BTRC: variants seen among roughly 807,000 people sequenced by gnomAD.
BTRC encodes the protein F-box/WD repeat-containing protein 1A.
In BTRC, 42 loss-of-function variants were observed where a neutral mutation model predicts 85.5. The ratio of observed to expected loss-of-function variants is 0.49; its 90% CI spans 0.38 to 0.64. The LOEUF is 0.64. BTRC is among the 30% of genes least tolerant of loss of function. BTRC has a pLI of 0.00. For synonymous variants in BTRC, 255 were observed against 263.3 expected (o/e 0.97, Z 0.30); for missense variants, 594 against 743.5 (o/e 0.80, Z 2.34).
intron 2 of BTRC, among the ~76,000 whole-genome samples, chr10:101,457,591 C>CT (rs1393224894): frequency 6.6e-6 from 1 of 152,236 alleles, no homozygotes; most frequent in South Asian, 2.1e-4. Flanking sequence ...TATTCATAGA[C>CT]TATTATTACT....
intron 3 of BTRC, among the ~76,000 whole-genome samples, chr10:101,479,112 AC>A (rs931937933): frequency 2.6e-5 from 4 of 152,076 alleles, no homozygotes; most frequent in Non-Finnish European, 5.9e-5. Flanking sequence ...CATAATCAGT[AC>A]CCCCAGCTTC....
At chr10:101,462,100 G>A (rs2134171142) in intron 3 of BTRC, 42 bp downstream of exon 3, 2 of 1,375,834 alleles carry the variant, frequency 1.5e-6, no homozygotes, top group Non-Finnish European at 1.9e-6. Context: ...GCTACCAACA[G>A]CAAAACAAAA....
intron 1 of BTRC, among the ~76,000 whole-genome samples, chr10:101,364,660 A>G (rs1942310749): frequency 6.6e-6 from 1 of 152,228 alleles, no homozygotes; most frequent in South Asian, 2.1e-4. Context: ...GCACAGATTC[A>G]TAAATCCTTG....
At chr10:101,431,815 T>C (rs1564768755) in intron 2 of BTRC, among the ~76,000 whole-genome samples, 1 of 152,230 alleles carries the variant, frequency 6.6e-6, no homozygotes, top group Non-Finnish European at 1.5e-5. Flanking sequence ...ATTTTTCCTT[T>C]ACAAAATTTA....
intron 13 of BTRC, among the ~76,000 whole-genome samples, chr10:101,538,790 A>G (rs959675161): frequency 2.0e-5 from 3 of 152,222 alleles, no homozygotes; most frequent in African/African-American, 7.2e-5. Flanking sequence ...GCTCATGCCT[A>G]TTATCCCAGC....
At chr10:101,506,435 T>C (rs1342638965) in intron 4 of BTRC, among the ~76,000 whole-genome samples, 1 of 152,080 alleles carries the variant, frequency 6.6e-6, no homozygotes, top group African/African-American at 2.4e-5. Context: ...AATATTAGAG[T>C]GTTCAGTCTG....
chr10:101,368,114 G>A (rs1242004526), intron 1 of BTRC, among the ~76,000 whole-genome samples: 3 of 152,184 alleles, frequency 2.0e-5, no homozygotes, highest in African/African-American at 4.8e-5. Context: ...ATGGAGGTGC[G>A]TTCCTCATGA....
intron 2 of BTRC, among the ~76,000 whole-genome samples, chr10:101,432,598 T>C (rs569639261): frequency 7.2e-5 from 11 of 152,324 alleles, no homozygotes; most frequent in Admixed American, 7.2e-4. Flanking sequence ...AAAAGGCTGC[T>C]CCTACTTCAG....
intron 3 of BTRC, among the ~76,000 whole-genome samples, chr10:101,478,402 T>A (rs1401504390): frequency 6.6e-6 from 1 of 152,132 alleles, no homozygotes; most frequent in South Asian, 2.1e-4. Context: ...TCAAAGCTTG[T>A]ATTGAGATTC....
intron 3 of BTRC, among the ~76,000 whole-genome samples, chr10:101,475,953 A>ATATATATATATATATATATATATATAT (rs1265691229): frequency 7.5e-6 from 1 of 133,820 alleles, no homozygotes; most frequent in African/African-American, 2.9e-5. Context: ...ATATATATAT[A>ATATATATATATATATATATATATATAT]TTCAGTAATT....
chr10:101,491,494 A>G (rs959610745), intron 4 of BTRC, among the ~76,000 whole-genome samples: 1 of 152,146 alleles, frequency 6.6e-6, no homozygotes, highest in Non-Finnish European at 1.5e-5. Flanking sequence ...CAGGAGTTCA[A>G]GACCAGCCTG....
At chr10:101,412,227 A>G (rs915264311) in intron 1 of BTRC, among the ~76,000 whole-genome samples, 2 of 152,244 alleles carry the variant, frequency 1.3e-5, no homozygotes, top group Non-Finnish European at 2.9e-5. Flanking sequence ...CTTTTTCTAC[A>G]TAATTCATTC....
Position 101,435,666 on chromosome 10 carries a change from A to C in BTRC, c.156+5214A>C, listed in dbSNP as rs185405174. Among the ~76,000 whole-genome samples the C allele has an allele frequency of 2.9e-3, 438 of 152,204 alleles. 3 individuals carry two copies. Among genetic ancestry groups the C allele is most frequent in the Admixed American group, 0.02 (312 of 15,286 alleles). On this transcript the variant is annotated intron_variant, in intron 2 of 14. Transcript: ENST00000370187. ...AAGCTACTATAAACAGTTTTGTATA[A>C]GTCTTTTTTTTGGCATGTATTTTTA... is the stretch of plus-strand genomic sequence containing the variant.
intron 3 of BTRC, among the ~76,000 whole-genome samples, chr10:101,468,069 A>G (rs937984798): frequency 1.3e-5 from 2 of 152,216 alleles, no homozygotes; most frequent in East Asian, 3.8e-4. Flanking sequence ...GTGCCTAGCT[A>G]CAAAAACCCT....
chr10:101,517,392 T>C (rs1010491986), intron 4 of BTRC, among the ~76,000 whole-genome samples: 8 of 152,184 alleles, frequency 5.3e-5, no homozygotes, highest in Admixed American at 5.2e-4. Context: ...ACCACTGCAC[T>C]CTAGCCTGAG....
chr10:101,355,648 A>G (rs1167267036), intron 1 of BTRC, among the ~76,000 whole-genome samples: 1 of 152,222 alleles, frequency 6.6e-6, no homozygotes, highest in Non-Finnish European at 1.5e-5. Context: ...CTTTGCTTAA[A>G]AAAATAGCTA....
intron 2 of BTRC, among the ~76,000 whole-genome samples, chr10:101,459,785 TC>T (rs1277726237): frequency 6.6e-6 from 1 of 152,166 alleles, no homozygotes; most frequent in Non-Finnish European, 1.5e-5. Flanking sequence ...TCCATCTAAA[TC>T]TGATAAAATA....
intron 4 of BTRC, among the ~76,000 whole-genome samples, chr10:101,486,554 C>T (rs1275728932): frequency 6.6e-6 from 1 of 152,014 alleles, no homozygotes; most frequent in African/African-American, 2.4e-5. Flanking sequence ...GCCATGTTTC[C>T]TCCTAATACT....
At chr10:101,525,876 A>G in intron 5 of BTRC, 137 bp from the exon 6 acceptor site, 1 of 759,364 alleles carries the variant, frequency 1.3e-6, no homozygotes, top group Non-Finnish European at 2.0e-6. Context: ...CTGTTTGAAA[A>G]AGAAACTGGA....
Sources: gnomAD v4.1 joint callset for allele counts (sites outside exome capture counted in the v4.1 genomes callset) on GRCh38, gnomAD v4.1.1 for gene constraint, MANE v1.5 for transcripts, NCBI Gene and HGNC (gene_info 2026-07-23, HGNC 2026-07-21) for gene names.